Variants in CTNNA1 observed in about 807,000 individuals in gnomAD.
CTNNA1 encodes the protein catenin alpha-1.
A neutral mutation model predicts 98.4 loss-of-function variants in CTNNA1; 37 were observed. The observed-to-expected ratio is 0.38, with a 90% CI of 0.29 to 0.49. CTNNA1 has a LOEUF of 0.49. CTNNA1 is among the 20% of genes least tolerant of loss of function. The pLI is 0.95. For missense variants in CTNNA1, 761 were observed against 1,147.2 expected, an observed-to-expected ratio of 0.66 and a Z score of 4.86; for synonymous variants, 404 against 413.2, an observed-to-expected ratio of 0.98 and a Z score of 0.27.
intron 5 of CTNNA1, among the ~76,000 whole-genome samples, chr5:138,821,961 T>G (rs1581156954): frequency 6.6e-6 from 1 of 152,198 alleles, no homozygotes; most frequent in African/African-American, 2.4e-5. Flanking sequence ...TCCGTTTTCT[T>G]TATGTAACAA....
intron 5 of CTNNA1, among the ~76,000 whole-genome samples, chr5:138,821,064 A>T (rs949513563): frequency 1.3e-5 from 2 of 152,188 alleles, no homozygotes; most frequent in Non-Finnish European, 2.9e-5. Flanking sequence ...CAACTGAGTG[A>T]CTGAACCACT....
At chr5:138,792,709 A>T (rs1315411759) in intron 3 of CTNNA1, among the ~76,000 whole-genome samples, 2 of 152,220 alleles carry the variant, frequency 1.3e-5, no homozygotes, top group Admixed American at 6.5e-5. Context: ...AATTTTTCAC[A>T]AGAGAAAAAT....
At chr5:138,776,679 C>A (rs1476438875) in intron 1 of CTNNA1, among the ~76,000 whole-genome samples, 457 of 146,262 alleles carry the variant, frequency 3.1e-3, no homozygotes, top group African/African-American at 0.011. Context: ...GGGGGCTGAC[C>A]CCCCCACCTC....
At chr5:138,767,163 G>A (rs1358039100) in intron 1 of CTNNA1, among the ~76,000 whole-genome samples, 4 of 152,096 alleles carry the variant, frequency 2.6e-5, no homozygotes, top group African/African-American at 2.4e-5. Flanking sequence ...AGCCTCCCGA[G>A]TAGCTAGGAC....
chr5:138,916,960 G>T (rs1761938045), intron 10 of CTNNA1, among the ~76,000 whole-genome samples: 1 of 151,550 alleles, frequency 6.6e-6, no homozygotes, highest in African/African-American at 2.4e-5. Flanking sequence ...TTTTAGTAGA[G>T]ACGGGGTTTC....
chr5:138,845,448 C>G (rs1249979525), intron 7 of CTNNA1, among the ~76,000 whole-genome samples: 3 of 152,190 alleles, frequency 2.0e-5, no homozygotes, highest in Non-Finnish European at 4.4e-5. Context: ...CTGATTCTAC[C>G]TTTCTAAACA....
At chr5:138,825,256 C>T (rs1760537406) in intron 6 of CTNNA1, among the ~76,000 whole-genome samples, 1 of 152,136 alleles carries the variant, frequency 6.6e-6, no homozygotes, top group Non-Finnish European at 1.5e-5. Flanking sequence ...CCTAGATATA[C>T]TTCTTTTCAG....
intron 1 of CTNNA1, among the ~76,000 whole-genome samples, chr5:138,768,556 CTGTTT>C (rs1451820728): frequency 8.3e-6 from 1 of 120,590 alleles, no homozygotes; most frequent in Non-Finnish European, 1.6e-5. Flanking sequence ...ACAACGGTGT[CTGTTT>C]TTTTTTTTTT....
intron 7 of CTNNA1, chr5:138,872,065 T>TGC (rs1340940575): frequency 9.5e-5 from 7 of 73,708 alleles, no homozygotes; most frequent in Non-Finnish European, 6.1e-5. Context: ...TGTGTGTGTG[T>TGC]GTGCGCTTTT....
At chr5:138,924,151 G>C (rs1469748891) in intron 11 of CTNNA1, among the ~76,000 whole-genome samples, 1 of 152,198 alleles carries the variant, frequency 6.6e-6, no homozygotes, top group Non-Finnish European at 1.5e-5. Context: ...TTGGGACATA[G>C]AGTCAGTGAA....
At chr5:138,773,696 C>T (rs7722679) in intron 1 of CTNNA1, among the ~76,000 whole-genome samples, 3,461 of 151,744 alleles carry the variant, frequency 0.023, 132 homozygotes, top group African/African-American at 0.081. Flanking sequence ...ATTAGGGAGG[C>T]TGAGTCTGGT....
chr5:138,856,355 A>G (rs1387063693), intron 7 of CTNNA1, among the ~76,000 whole-genome samples: 1 of 152,030 alleles, frequency 6.6e-6, no homozygotes, highest in African/African-American at 2.4e-5. Flanking sequence ...TTTTTAAAGA[A>G]TAAAACAGAC....
intron 9 of CTNNA1, among the ~76,000 whole-genome samples, chr5:138,898,996 A>G (rs1757480865): frequency 6.6e-6 from 1 of 152,168 alleles, no homozygotes; most frequent in Admixed American, 6.5e-5. Context: ...AGAAATTACT[A>G]CTTTTTTCTT....
chr5:138,906,644 A>T (rs1261270335), intron 10 of CTNNA1, among the ~76,000 whole-genome samples: 1 of 152,246 alleles, frequency 6.6e-6, no homozygotes, highest in Non-Finnish European at 1.5e-5. Context: ...GGTTTGAGTT[A>T]GCCATCAGAA....
intron 7 of CTNNA1, among the ~76,000 whole-genome samples, chr5:138,833,997 G>A (rs1210580598): frequency 6.6e-6 from 1 of 152,130 alleles, no homozygotes; most frequent in Admixed American, 6.5e-5. Flanking sequence ...ATTTTAATTC[G>A]ATTTGGGTAA....
At chr5:138,821,386 G>A (rs1760024425) in intron 5 of CTNNA1, among the ~76,000 whole-genome samples, 2 of 152,178 alleles carry the variant, frequency 1.3e-5, no homozygotes, top group Admixed American at 6.5e-5. Flanking sequence ...TGATGATAAT[G>A]TAATGCTTCT....
chr5:138,902,889 CT>C (rs910917575), intron 9 of CTNNA1, among the ~76,000 whole-genome samples: 27 of 151,076 alleles, frequency 1.8e-4, no homozygotes, highest in Non-Finnish European at 3.0e-4. Flanking sequence ...TATTTGTTTC[CT>C]TTTTTTTTAA....
intron 7 of CTNNA1, chr5:138,880,205 G>A (rs975260857): frequency 3.3e-5 from 5 of 152,200 alleles, no homozygotes; most frequent in South Asian, 2.1e-4. Flanking sequence ...GTCTCACTGT[G>A]TTGCCCAGGT....
chr5:138,826,012 G>C (rs1234086941), intron 6 of CTNNA1, among the ~76,000 whole-genome samples: 1 of 152,024 alleles, frequency 6.6e-6, no homozygotes, highest in Non-Finnish European at 1.5e-5. Context: ...GTAAAATGAG[G>C]GTTTGTGCTA....
Sources: gnomAD v4.1 joint callset for allele counts (sites outside exome capture counted in the v4.1 genomes callset) on GRCh38, gnomAD v4.1.1 for gene constraint, MANE v1.5 for transcripts, NCBI Gene and HGNC (gene_info 2026-07-23, HGNC 2026-07-21) for gene names.